The following DPF3 variants were observed in gnomAD, a reference collection of about 807,000 sequenced individuals.
The protein encoded by DPF3 is zinc finger protein DPF3.
In DPF3, 18 loss-of-function variants were observed where a neutral mutation model predicts 56.8. The observed-to-expected ratio is 0.32, with a 90% CI of 0.22 to 0.47. The LOEUF (loss-of-function observed/expected upper bound fraction) is 0.47, where lower values mean the gene tolerates loss of function less well. Ranked by LOEUF, DPF3 falls within the 20% of genes least tolerant of loss-of-function variation. The pLI is 1.00. For missense variants in DPF3, 403 were observed against 488.8 expected (o/e 0.82, Z 1.65); for synonymous variants, 188 against 180.2 (o/e 1.04, Z -0.35).
At chr14:72,649,771 C>T (rs1752565871) in intron 8 of DPF3, among the ~76,000 whole-genome samples, 1 of 152,158 alleles carries the variant, frequency 6.6e-6, no homozygotes, top group African/African-American at 2.4e-5. Context: ...CAATCTGTGA[C>T]TCAGGTATTA....
In DPF3 at chr14:72,843,547, T is replaced by G. The variant is rs191010113; in HGVS notation, c.32+50510A>C. Among the ~76,000 whole-genome samples, 346 of 152,260 alleles carry G rather than the reference T, an allele frequency of 2.3e-3. 2 individuals are homozygous for G. Among genetic ancestry groups the G allele is most frequent in the African/African-American group, 8.0e-3 (331 of 41,530 alleles). On this transcript the variant is annotated intron_variant, in intron 1 of 10. Transcript: ENST00000556509. ...TATTTATCATAGCTGCTAACAATTTTTTTCTCTTTTTTGAGATGGAGTTTC... is the reference window on the plus strand; with the variant it reads ...TATTTATCATAGCTGCTAACAATTTGTTTCTCTTTTTTGAGATGGAGTTTC...
intron 1 of DPF3, among the ~76,000 whole-genome samples, chr14:72,826,829 T>G (rs559990253): frequency 7.3e-4 from 111 of 152,172 alleles, no homozygotes; most frequent in African/African-American, 2.6e-3. Flanking sequence ...GATCACGAAG[T>G]CATGAGATCA....
intron 7 of DPF3, among the ~76,000 whole-genome samples, chr14:72,685,827 T>C (rs113370595): frequency 1.1e-3 from 162 of 152,300 alleles, no homozygotes; most frequent in African/African-American, 3.8e-3. Context: ...AGGCCCAAAA[T>C]GCGAGAGAAA....
chr14:72,799,113 T>A (rs1345229648), intron 1 of DPF3, among the ~76,000 whole-genome samples: 1 of 152,176 alleles, frequency 6.6e-6, no homozygotes, highest in Non-Finnish European at 1.5e-5. Flanking sequence ...TGGGGCTGAA[T>A]GGATGGGCAA....
chr14:72,655,309 A>G (rs1886032126), intron 8 of DPF3, among the ~76,000 whole-genome samples: 1 of 152,180 alleles, frequency 6.6e-6, no homozygotes, highest in East Asian at 1.9e-4. Flanking sequence ...AATTGTATAT[A>G]TAATTAAATT....
chr14:72,771,484 C>T (rs1160948501), intron 2 of DPF3, among the ~76,000 whole-genome samples: 1 of 152,142 alleles, frequency 6.6e-6, no homozygotes, highest in African/African-American at 2.4e-5. Flanking sequence ...TTAGCTCTTT[C>T]ACTCCCCACC....
intron 6 of DPF3, among the ~76,000 whole-genome samples, chr14:72,696,982 C>G (rs983947806): frequency 6.6e-6 from 1 of 152,224 alleles, no homozygotes; most frequent in Non-Finnish European, 1.5e-5. Context: ...TCCACCAACC[C>G]TATGTCCACA....
At chr14:72,788,226 G>T (rs1250893625) in intron 1 of DPF3, among the ~76,000 whole-genome samples, 1 of 152,036 alleles carries the variant, frequency 6.6e-6, no homozygotes, top group African/African-American at 2.4e-5. Flanking sequence ...GCTGCATCTC[G>T]ACCACCAATC....
intron 6 of DPF3, among the ~76,000 whole-genome samples, chr14:72,704,505 C>G (rs575882961): frequency 6.6e-6 from 1 of 152,114 alleles, no homozygotes; most frequent in Non-Finnish European, 1.5e-5. Context: ...GAGTTCCAGG[C>G]TATCCAGTGT....
At chr14:72,680,036 C>T (rs1046649392) in intron 7 of DPF3, among the ~76,000 whole-genome samples, 1 of 151,956 alleles carries the variant, frequency 6.6e-6, no homozygotes, top group African/African-American at 2.4e-5. Context: ...GAGGGAGAGG[C>T]GGGCTGGGGA....
chr14:72,762,365 T>C (rs971462571), intron 2 of DPF3, among the ~76,000 whole-genome samples: 9 of 151,912 alleles, frequency 5.9e-5, no homozygotes, highest in African/African-American at 2.2e-4. Context: ...ATCCTAGGAA[T>C]GTAATGTTGG....
intron 8 of DPF3, chr14:72,662,412 C>A (rs11463): frequency 0.41 from 407,971 of 983,860 alleles, 86,989 homozygotes; most frequent in East Asian, 0.86. Flanking sequence ...AATACTGTGC[C>A]ATGTCAGCAC....
chr14:72,796,539 A>G (rs1044719358), intron 1 of DPF3, among the ~76,000 whole-genome samples: 1 of 152,196 alleles, frequency 6.6e-6, no homozygotes, highest in Non-Finnish European at 1.5e-5. Context: ...AGACAGGAAA[A>G]TCTGCCTCTT....
intron 8 of DPF3, among the ~76,000 whole-genome samples, chr14:72,649,663 G>GGGA (rs569806282): frequency 2.9e-5 from 4 of 138,806 alleles, no homozygotes; most frequent in Non-Finnish European, 4.7e-5. Context: ...CCCTGGGTGG[G>GGGA]GGGGGGGATT....
intron 9 of DPF3, among the ~76,000 whole-genome samples, chr14:72,621,787 G>A (rs1356858414): frequency 6.6e-6 from 1 of 152,202 alleles, no homozygotes; most frequent in African/African-American, 2.4e-5. Context: ...AAGCATCATT[G>A]ATTAGATGGG....
chr14:72,678,872 G>C (rs921797945), intron 7 of DPF3, among the ~76,000 whole-genome samples: 1 of 152,018 alleles, frequency 6.6e-6, no homozygotes, highest in Non-Finnish European at 1.5e-5. Flanking sequence ...ATCTACCTGA[G>C]GGAGATAACT....
At chr14:72,724,812 G>A (rs1287769614) in intron 4 of DPF3, among the ~76,000 whole-genome samples, 4 of 151,398 alleles carry the variant, frequency 2.6e-5, no homozygotes, top group Non-Finnish European at 5.9e-5. Flanking sequence ...AGGCCTAAGC[G>A]ATCCTCCCAC....
intron 1 of DPF3, among the ~76,000 whole-genome samples, chr14:72,780,981 C>T (rs1891945644): frequency 6.6e-6 from 1 of 152,162 alleles, no homozygotes; most frequent in Non-Finnish European, 1.5e-5. Context: ...ATTCTAGAGG[C>T]TTGGGATGTG....
intron 4 of DPF3, among the ~76,000 whole-genome samples, chr14:72,729,252 A>G (rs992645286): frequency 2.0e-5 from 3 of 152,216 alleles, no homozygotes; most frequent in African/African-American, 7.2e-5. Context: ...TGTCTCAAAA[A>G]TAAATAAATT....
Sources: allele counts gnomAD v4.1 joint callset (sites outside exome capture counted in the v4.1 genomes callset), GRCh38; gene constraint gnomAD v4.1.1; transcripts MANE v1.5; gene names NCBI Gene and HGNC (gene_info 2026-07-23, HGNC 2026-07-21).